CSMD1: variants seen among roughly 807,000 people sequenced by gnomAD.
The protein encoded by CSMD1 is CUB and Sushi multiple domains 1.
A neutral mutation model predicts 417.5 loss-of-function variants in CSMD1; 213 were observed. That is an observed-to-expected ratio of 0.51 (90% CI 0.46 to 0.57). CSMD1 has a LOEUF of 0.57. CSMD1 is among the 20% of genes least tolerant of loss of function. CSMD1 has a pLI of 0.00. For missense variants in CSMD1, 6,923 were observed against 4,529.7 expected, an observed-to-expected ratio of 1.53 and a Z score of -15.17; for synonymous variants, 2,862 against 1,736.8, an observed-to-expected ratio of 1.65 and a Z score of -16.11.
intron 1 of CSMD1, among the ~76,000 whole-genome samples, chr8:4,662,598 C>G (rs984575049): frequency 2.0e-5 from 3 of 152,204 alleles, no homozygotes; most frequent in African/African-American, 7.2e-5. Context: ...CAATGCCAGT[C>G]TTGACGGCTA....
intron 2 of CSMD1, among the ~76,000 whole-genome samples, chr8:4,619,880 A>T (rs1277474757): frequency 6.6e-6 from 1 of 152,112 alleles, no homozygotes. Flanking sequence ...TAGGACAATT[A>T]CAGCATAAAT....
chr8:3,422,354 C>G (rs745647007), intron 12 of CSMD1, among the ~76,000 whole-genome samples: 4 of 152,092 alleles, frequency 2.6e-5, no homozygotes, highest in Non-Finnish European at 5.9e-5. Flanking sequence ...GAAGTTAAAC[C>G]TGAAAGAGGA....
intron 10 of CSMD1, among the ~76,000 whole-genome samples, chr8:3,499,998 T>C (rs1168496722): frequency 3.3e-5 from 5 of 152,178 alleles, no homozygotes; most frequent in African/African-American, 1.2e-4. Flanking sequence ...CTATGAGGCC[T>C]GTGGGGGCTT....
intron 3 of CSMD1, among the ~76,000 whole-genome samples, chr8:4,114,431 G>C (rs1374597835): frequency 1.3e-5 from 2 of 152,218 alleles, no homozygotes; most frequent in Admixed American, 1.3e-4. Context: ...GACAACACAG[G>C]TGGTTACGGA....
At chr8:4,230,737 A>T (rs1014830839) in intron 3 of CSMD1, among the ~76,000 whole-genome samples, 1 of 152,206 alleles carries the variant, frequency 6.6e-6, no homozygotes, top group African/African-American at 2.4e-5. Context: ...AAAACCGATT[A>T]CAAGCTATTG....
At chr8:4,549,896 CAAAAAAAAAA>C (rs777040766) in intron 2 of CSMD1, among the ~76,000 whole-genome samples, 7 of 88,654 alleles carry the variant, frequency 7.9e-5, no homozygotes, top group African/African-American at 1.8e-4. Context: ...GACTTTGTCT[CAAAAAAAAAA>C]AAAAAAAAAA....
At chr8:4,835,676 C>T (rs558815021) in intron 1 of CSMD1, among the ~76,000 whole-genome samples, 1 of 152,068 alleles carries the variant, frequency 6.6e-6, no homozygotes, top group South Asian at 2.1e-4. Flanking sequence ...TAACATTTTT[C>T]TTTTATTTGC....
At position 3,772,187 on chromosome 8, in the gene CSMD1, TATACAC is replaced by T. The variant is rs1339863703; in HGVS notation, c.819-18151_819-18146del. On this transcript the variant is annotated intron_variant, in intron 5 of 69. Coordinates refer to ENST00000635120, the MANE Select transcript of CSMD1 (RefSeq NM_033225.6). The stretch of plus-strand genomic sequence containing the variant: ...GGCAACATATATATATATATATATA[TATACAC>T]ACACACACACACACACACACACATA... Among the ~76,000 whole-genome samples the T allele has an allele frequency of 8.1e-3, 535 of 66,390 alleles. 42 individuals are homozygous for T. Among genetic ancestry groups the T allele is most frequent in the African/African-American group, 0.025 (497 of 20,198 alleles). The allele number at this position is 66,390 out of a possible 152,430, so 43.6% of individuals were successfully genotyped here.
intron 10 of CSMD1, among the ~76,000 whole-genome samples, chr8:3,547,978 G>A (rs1250557755): frequency 6.6e-6 from 1 of 151,828 alleles, no homozygotes; most frequent in Non-Finnish European, 1.5e-5. Flanking sequence ...ATTTGGATAT[G>A]GTAAAGAAAA....
At chr8:4,222,445 T>A (rs112564186) in intron 3 of CSMD1, among the ~76,000 whole-genome samples, 14 of 151,880 alleles carry the variant, frequency 9.2e-5, no homozygotes, top group Non-Finnish European at 1.3e-4. Flanking sequence ...TCTTTGTGCA[T>A]TGTGTAGTAC....
intron 1 of CSMD1, among the ~76,000 whole-genome samples, chr8:4,938,158 T>C (rs935753546): frequency 1.3e-5 from 2 of 152,152 alleles, no homozygotes; most frequent in African/African-American, 2.4e-5. Flanking sequence ...CAGAACATAA[T>C]AGAGTTGGGG....
intron 7 of CSMD1, among the ~76,000 whole-genome samples, chr8:3,651,661 G>A (rs181014241): frequency 6.6e-6 from 1 of 152,054 alleles, no homozygotes; most frequent in Non-Finnish European, 1.5e-5. Flanking sequence ...AGCAGCAATA[G>A]CGTGCTTACT....
chr8:4,748,492 G>C (rs1038355470), intron 1 of CSMD1, among the ~76,000 whole-genome samples: 2 of 152,202 alleles, frequency 1.3e-5, no homozygotes, highest in African/African-American at 2.4e-5. Context: ...CTGTGCGTCA[G>C]TTCCCATTCC....
intron 1 of CSMD1, among the ~76,000 whole-genome samples, chr8:4,749,467 G>A (rs986921125): frequency 2.0e-5 from 3 of 152,192 alleles, no homozygotes; most frequent in Admixed American, 6.5e-5. Context: ...GACCCTTCTT[G>A]AGAAAGGAAT....
chr8:4,320,080 A>G (rs1476319089), intron 3 of CSMD1, among the ~76,000 whole-genome samples: 1 of 152,248 alleles, frequency 6.6e-6, no homozygotes, highest in Admixed American at 6.5e-5. Context: ...TTTACCCAAC[A>G]AACATTACAT....
At chr8:3,970,772 G>C (rs896559562) in intron 5 of CSMD1, among the ~76,000 whole-genome samples, 10 of 151,898 alleles carry the variant, frequency 6.6e-5, no homozygotes, top group African/African-American at 1.9e-4. Flanking sequence ...TTTTGTTTTT[G>C]ATGGAGTTTC....
chr8:3,848,882 G>A (rs571401489), intron 5 of CSMD1, among the ~76,000 whole-genome samples: 1 of 151,654 alleles, frequency 6.6e-6, no homozygotes, highest in South Asian at 2.1e-4. Context: ...AAATGCTAAA[G>A]AGTGATATAA....
chr8:3,314,299 A>G (rs1279914938), intron 23 of CSMD1, among the ~76,000 whole-genome samples: 2 of 152,224 alleles, frequency 1.3e-5, no homozygotes, highest in Non-Finnish European at 2.9e-5. Context: ...GTTTAATTCT[A>G]CAAAGATATT....
intron 3 of CSMD1, among the ~76,000 whole-genome samples, chr8:4,294,062 G>A (rs992008682): frequency 6.6e-6 from 1 of 152,120 alleles, no homozygotes; most frequent in Non-Finnish European, 1.5e-5. Context: ...AGTGACTATT[G>A]CACCGAAATA....
Sources: gnomAD v4.1 joint callset for allele counts (sites outside exome capture counted in the v4.1 genomes callset) on GRCh38, gnomAD v4.1.1 for gene constraint, MANE v1.5 for transcripts, NCBI Gene and HGNC (gene_info 2026-07-23, HGNC 2026-07-21) for gene names.